The following GASK1A variants were observed in gnomAD, a reference collection of about 807,000 sequenced individuals.
The protein encoded by GASK1A is Golgi-associated kinase 1A.
A neutral mutation model predicts 41.2 loss-of-function variants in GASK1A; 40 were observed. That is an observed-to-expected ratio of 0.97 (90% CI 0.75 to 1.27). GASK1A has a LOEUF of 1.27. Ranked by LOEUF, GASK1A falls within the 50% of genes most tolerant of loss-of-function variation. The probability of loss-of-function intolerance (pLI) is 0.00; values close to 1 mark genes in which losing one functional copy is unlikely to be tolerated. For missense variants in GASK1A, 678 were observed against 745.1 expected (o/e 0.91, Z 1.05); for synonymous variants, 316 against 307.1 (o/e 1.03, Z -0.30).
At chr3:43,013,594 G>A (rs996517866) in intron 1 of GASK1A, among the ~76,000 whole-genome samples, 2 of 151,894 alleles carry the variant, frequency 1.3e-5, no homozygotes. Flanking sequence ...AAGTGGCAGT[G>A]TGAAGCAACA....
Position 43,056,295 on chromosome 3 carries a change from AG to A in GASK1A, c.1639del (p.Val547SerfsTer38), listed in dbSNP as rs2089715864. On this transcript the variant is annotated frameshift_variant, in exon 5 of 5. Transcript: ENST00000430121. LOFTEE classifies it high-confidence loss of function. The stretch of plus-strand genomic sequence containing the variant: ...CAAGGCGGAGCCCAGGGGCTGAAGC[AG>A]GTCCTCCAGACCCTGGAGCAGCGAG... ...ESQGGAQGLKQVLQTLEQRGQ... is the reference protein window; with the variant it reads ...ESQGGAQGLKXVLQTLEQRGQ... 1 of 1,551,616 alleles carries A rather than the reference AG, an allele frequency of 6.4e-7. No homozygotes were observed. Among genetic ancestry groups the A allele is most frequent in the South Asian group, 1.2e-5 (1 of 84,070 alleles).
intron 2 of GASK1A, among the ~76,000 whole-genome samples, chr3:43,038,207 G>A (rs1181045146): frequency 5.9e-5 from 9 of 152,140 alleles, no homozygotes; most frequent in African/African-American, 9.7e-5. Flanking sequence ...GTTTTGAATC[G>A]GATGTAGACC....
intron 1 of GASK1A, among the ~76,000 whole-genome samples, chr3:43,019,686 C>T (rs571915343): frequency 1.6e-4 from 25 of 151,936 alleles, no homozygotes; most frequent in African/African-American, 5.6e-4. Context: ...GGGCAAAGGT[C>T]GGGGAACAGA....
intron 1 of GASK1A, among the ~76,000 whole-genome samples, chr3:42,999,087 C>G (rs1378969268): frequency 6.6e-6 from 1 of 151,222 alleles, no homozygotes; most frequent in Middle Eastern, 3.4e-3. Flanking sequence ...TATTTTTTTC[C>G]TCTCTTCTTT....
At chr3:43,041,747 C>T (rs538196780) in intron 2 of GASK1A, among the ~76,000 whole-genome samples, 1 of 152,364 alleles carries the variant, frequency 6.6e-6, no homozygotes, top group Non-Finnish European at 1.5e-5. Context: ...CTCTTTCTTA[C>T]TCTTACCTCA....
At chr3:43,054,814 G>C (rs1348151461) in intron 3 of GASK1A, among the ~76,000 whole-genome samples, 1 of 152,238 alleles carries the variant, frequency 6.6e-6, no homozygotes, top group Non-Finnish European at 1.5e-5. Context: ...TGTAGAATCA[G>C]ATTATGGTCA....
At chr3:43,013,696 A>G (rs2089475681) in intron 1 of GASK1A, among the ~76,000 whole-genome samples, 1 of 152,234 alleles carries the variant, frequency 6.6e-6, no homozygotes, top group Non-Finnish European at 1.5e-5. Flanking sequence ...GTGAAGTCAC[A>G]GGAAGGGGCT....
In GASK1A at chr3:43,056,294, C is replaced by G. The variant is rs760326749; in HGVS notation, c.1636C>G (p.Gln546Glu). ...ESQGGAQGLK[Q>E]VLQTLEQRGQ... The stretch of plus-strand genomic sequence containing the variant: ...CCAAGGCGGAGCCCAGGGGCTGAAG[C>G]AGGTCCTCCAGACCCTGGAGCAGCG... Residue 546 changes from glutamine to glutamate, a missense_variant, in exon 5 of 5, where the codon CAG becomes GAG. By Grantham distance (29) the Gln-to-Glu change is conservative (BLOSUM62 2). Coordinates refer to ENST00000430121, the MANE Select transcript of GASK1A (RefSeq NM_001129908.3). 3.9e-6 allele frequency: 6 copies of G among 1,551,708 alleles called. No individual in the cohort carries two copies. The highest frequency in any genetic ancestry group is 5.2e-6 in the Non-Finnish European group (6 of 1,146,990).
intron 2 of GASK1A, among the ~76,000 whole-genome samples, chr3:43,050,841 C>T (rs2089685429): frequency 6.6e-6 from 1 of 152,054 alleles, no homozygotes; most frequent in Non-Finnish European, 1.5e-5. Context: ...CTTTTCAACT[C>T]CATAATTTAT....
At chr3:43,049,930 C>A (rs1257421815) in intron 2 of GASK1A, among the ~76,000 whole-genome samples, 2 of 151,072 alleles carry the variant, frequency 1.3e-5, no homozygotes, top group Non-Finnish European at 3.0e-5. Context: ...CTCTCCCCCC[C>A]CACTTTTATG....
chr3:43,015,261 C>T (rs1463817771), intron 1 of GASK1A, among the ~76,000 whole-genome samples: 2 of 145,200 alleles, frequency 1.4e-5, no homozygotes, highest in African/African-American at 5.2e-5. Flanking sequence ...TGCGAATTCT[C>T]AGGAAGGGGC....
intron 1 of GASK1A, among the ~76,000 whole-genome samples, chr3:43,021,270 T>C (rs933247348): frequency 6.6e-6 from 1 of 152,182 alleles, no homozygotes; most frequent in Non-Finnish European, 1.5e-5. Context: ...GCTCCCACCC[T>C]TTCCCTCCTC....
Position 42,979,636 on chromosome 3 carries a change from C to A in GASK1A, c.-7C>A. Reference sequence around the variant, plus strand: ...GCCGAGGAGCCGGCCGGGGCACCGCCGGGGACATGGTAGGACTCGCGGGAA... The same window carrying A: ...GCCGAGGAGCCGGCCGGGGCACCGCAGGGGACATGGTAGGACTCGCGGGAA... On this transcript the variant is annotated 5_prime_UTR_variant, in exon 1 of 5. Coordinates refer to ENST00000430121, the MANE Select transcript of GASK1A (RefSeq NM_001129908.3). 1 of 1,244,734 alleles carries A rather than the reference C, an allele frequency of 8.0e-7. No homozygotes were observed. The highest frequency in any genetic ancestry group is 1.0e-6 in the Non-Finnish European group (1 of 987,706). The allele number at this position is 1,244,734 out of a possible 1,614,324, so 77.1% of individuals were successfully genotyped here.
At chr3:42,985,455 C>T (rs138966190) in intron 1 of GASK1A, among the ~76,000 whole-genome samples, 3 of 151,890 alleles carry the variant, frequency 2.0e-5, no homozygotes, top group Admixed American at 2.0e-4. Context: ...CTGCTTTAAG[C>T]CAGACATTGT....
chr3:43,002,257 C>T (rs888566697), intron 1 of GASK1A, among the ~76,000 whole-genome samples: 2 of 152,164 alleles, frequency 1.3e-5, no homozygotes, highest in African/African-American at 4.8e-5. Context: ...AGACAAAAGA[C>T]TCAGCATGTG....
intron 3 of GASK1A, 63 bp from the exon 4 acceptor site, chr3:43,055,369 C>T: frequency 8.2e-7 from 1 of 1,219,244 alleles, no homozygotes; most frequent in South Asian, 1.3e-5. Context: ...TGACCAAGTC[C>T]ATAGGTGCCA....
chr3:42,983,490 A>G (rs1176322791), intron 1 of GASK1A, among the ~76,000 whole-genome samples: 2 of 152,022 alleles, frequency 1.3e-5, no homozygotes, highest in Non-Finnish European at 2.9e-5. Context: ...TCTTCTCATC[A>G]GGCAGGAAAA....
At chr3:43,037,017 C>T in intron 2 of GASK1A, 1 of 438,228 alleles carries the variant, frequency 2.3e-6, no homozygotes, top group Admixed American at 3.6e-5. Context: ...CAATAGAAGA[C>T]TAACACATGA....
At chr3:43,014,425 A>C (rs2089479855) in intron 1 of GASK1A, among the ~76,000 whole-genome samples, 1 of 151,152 alleles carries the variant, frequency 6.6e-6, no homozygotes, top group Non-Finnish European at 1.5e-5. Context: ...GGCAGTCTGA[A>C]GCCACAGAAG....
Sources: allele counts gnomAD v4.1 joint callset (sites outside exome capture counted in the v4.1 genomes callset), GRCh38; gene constraint gnomAD v4.1.1; transcripts MANE v1.5; gene names NCBI Gene and HGNC (gene_info 2026-07-23, HGNC 2026-07-21).